Variants in FMO2 observed in about 807,000 individuals in gnomAD.
FMO2 encodes flavin containing dimethylaniline monoxygenase 2.
In FMO2, 33 loss-of-function variants were observed where a neutral mutation model predicts 41.6. The observed-to-expected ratio is 0.79, with a 90% CI of 0.60 to 1.06. The LOEUF (loss-of-function observed/expected upper bound fraction) is 1.06. Among genes scored for constraint, FMO2 ranks in the 50% least tolerant of loss-of-function variants. The pLI is 0.00. For missense variants in FMO2, 619 were observed against 632.9 expected, an observed-to-expected ratio of 0.98 and a Z score of 0.23; for synonymous variants, 214 against 219.6, an observed-to-expected ratio of 0.97 and a Z score of 0.23.
chr1:171,189,718 G>A (rs1021396998), intron 2 of FMO2, among the ~76,000 whole-genome samples: 5 of 144,332 alleles, frequency 3.5e-5, no homozygotes, highest in Non-Finnish European at 7.4e-5. Flanking sequence ...GAGGGCAGTA[G>A]CGCAATCTCA....
intron 5 of FMO2, among the ~76,000 whole-genome samples, chr1:171,202,075 G>T (rs1658562933): frequency 6.6e-6 from 1 of 152,146 alleles, no homozygotes; most frequent in South Asian, 2.1e-4. Context: ...GCGTCTCAGA[G>T]AAAGCAGCCT....
chr1:171,188,569 C>G (rs3768569), intron 2 of FMO2, among the ~76,000 whole-genome samples: 53,476 of 151,998 alleles, frequency 0.35, 10,361 homozygotes, highest in East Asian at 0.55. Flanking sequence ...GCCTGCACTA[C>G]GGCTATGTGA....
At chr1:171,203,561 C>T (rs1437012463) in intron 5 of FMO2, among the ~76,000 whole-genome samples, 1 of 152,066 alleles carries the variant, frequency 6.6e-6, no homozygotes, top group Non-Finnish European at 1.5e-5. Flanking sequence ...GGAACTTTCT[C>T]TTAAGGAGCA....
chr1:171,187,020 A>G (rs927126715), intron 2 of FMO2, among the ~76,000 whole-genome samples: 4 of 152,242 alleles, frequency 2.6e-5, no homozygotes, highest in African/African-American at 9.6e-5. Flanking sequence ...AGCTACTAAT[A>G]ATAACTATAT....
chr1:171,193,262 G>C, intron 2 of FMO2, 73 bp from the exon 3 acceptor site: 1 of 925,850 alleles, frequency 1.1e-6, no homozygotes, highest in Non-Finnish European at 1.7e-6. Flanking sequence ...CCAGGGGTTA[G>C]ATGTAGGAAG....
At chr1:171,190,244 C>A (rs1295186722) in intron 2 of FMO2, among the ~76,000 whole-genome samples, 1 of 152,130 alleles carries the variant, frequency 6.6e-6, no homozygotes, top group Non-Finnish European at 1.5e-5. Flanking sequence ...AACTTCAATT[C>A]AGCTCGTGAT....
At chr1:171,185,917 T>C (rs1032702988) in intron 2 of FMO2, 72 bp downstream of exon 2, 1 of 1,430,226 alleles carries the variant, frequency 7.0e-7, no homozygotes. Flanking sequence ...TACTGATGGG[T>C]CATATTGAGA....
rs1553240659 is a variant in FMO2 at position 171,211,241 on chromosome 1, CTCAT to C, written c.*2102_*2105del. On this transcript the variant is annotated 3_prime_UTR_variant, in exon 9 of 9. Coordinates refer to ENST00000209929, the MANE Select transcript of FMO2 (RefSeq NM_001460.5). Reference sequence around the variant, plus strand: ...AATTTTATAATAGTACACAGCCACACTCATTCATTTATTTTCTGTGGTTGCTTTC... The same window carrying C: ...AATTTTATAATAGTACACAGCCACACTCATTTATTTTCTGTGGTTGCTTTC... 1.3e-5 allele frequency: 2 copies of C among 152,166 alleles called. No homozygotes were observed. Among genetic ancestry groups the C allele is most frequent in the Non-Finnish European group, 2.9e-5 (2 of 68,024 alleles). The allele number at this position is 152,166 out of a possible 1,614,324, so 9.4% of individuals were successfully genotyped here.
At chr1:171,188,623 T>C (rs1250391492) in intron 2 of FMO2, among the ~76,000 whole-genome samples, 1 of 152,208 alleles carries the variant, frequency 6.6e-6, no homozygotes, top group African/African-American at 2.4e-5. Flanking sequence ...AGAAGGATGC[T>C]GGGAGCCCCA....
In FMO2 at chr1:171,212,084, T is replaced by A. The variant is rs1357993363; in HGVS notation, c.*2939T>A. Among the ~76,000 whole-genome samples the A allele has an allele frequency of 6.6e-6, 1 of 152,190 alleles. No homozygotes were observed. The highest frequency in any genetic ancestry group is 1.9e-4 in the East Asian group (1 of 5,200). On this transcript the variant is annotated 3_prime_UTR_variant, in exon 9 of 9. Transcript: ENST00000209929. Reference sequence around the variant, plus strand: ...TTTTGTTCTTCTCCTGTAAAGAATGTCAATGGTTATCACCTTCAATAGTTT... The same window carrying A: ...TTTTGTTCTTCTCCTGTAAAGAATGACAATGGTTATCACCTTCAATAGTTT...
chr1:171,186,584 C>T (rs143505741), intron 2 of FMO2, among the ~76,000 whole-genome samples: 1 of 152,250 alleles, frequency 6.6e-6, no homozygotes, highest in South Asian at 2.1e-4. Context: ...AGAACGCACT[C>T]ACTATCATGA....
At chr1:171,201,141 CAGAG>C in intron 5 of FMO2, among the ~76,000 whole-genome samples, 1 of 152,122 alleles carries the variant, frequency 6.6e-6, no homozygotes, top group Non-Finnish European at 1.5e-5. Context: ...ATCTTTTGCA[CAGAG>C]TGCAAAAGAC....
rs373458177 is a variant in FMO2, at chr1:171,205,275, T to C, written c.828-4T>C. 3.8e-6 allele frequency: 6 copies of C among 1,558,620 alleles called. No homozygotes were observed. The highest frequency in any genetic ancestry group is 4.4e-6 in the Non-Finnish European group (5 of 1,133,818). On this transcript the variant is annotated splice_region_variant and splice_polypyrimidine_tract_variant and intron_variant, in intron 6 of 8. Coordinates refer to ENST00000209929, the MANE Select transcript of FMO2 (RefSeq NM_001460.5). ...TCAGAATGTTTTTCTTCTGTATGTC[T>C]CAGATACATTATGAAGGAACCTGTA... is the stretch of plus-strand genomic sequence containing the variant.
At chr1:171,192,351 A>G (rs1426061069) in intron 2 of FMO2, among the ~76,000 whole-genome samples, 1 of 152,202 alleles carries the variant, frequency 6.6e-6, no homozygotes, top group Non-Finnish European at 1.5e-5. Context: ...ATGTATAGTT[A>G]ACAATAATAC....
rs777260599 is a variant in FMO2 at position 171,208,805 on chromosome 1, G to A, written c.1268G>A (p.Ser423Asn). The A allele has an allele frequency of 1.9e-5, 31 of 1,613,728 alleles. No homozygotes were observed. The highest frequency in any genetic ancestry group is 2.4e-5 in the Non-Finnish European group (28 of 1,179,838). The part of the protein sequence containing the change: ...NEKRIDLFGE[S>N]QSQTLQTNYV... ...CTTTCTTCACTAAGGTTTGGAGAAA[G>A]CCAGAGCCAGACGTTGCAGACCAAT... The change falls in exon 9 of 9, where the codon AGC (serine) becomes AAC (asparagine). Residue 423 changes from serine (S) to asparagine (N), a missense_variant. Ser to Asn is a conservative substitution (Grantham distance 46, BLOSUM62 1). Transcript: ENST00000209929.
intron 2 of FMO2, among the ~76,000 whole-genome samples, chr1:171,187,367 T>C (rs1478956584): frequency 6.6e-6 from 1 of 152,136 alleles, no homozygotes; most frequent in Admixed American, 6.5e-5. Flanking sequence ...GCAGGCTGAC[T>C]AGTTAGGAGG....
At chr1:171,205,690 A>G (rs1658735671) in intron 7 of FMO2, 56 bp downstream of exon 7, 6 of 1,210,900 alleles carry the variant, frequency 5.0e-6, no homozygotes, top group East Asian at 4.7e-5. Flanking sequence ...AAGTTTATCA[A>G]TAATGATAAG....
intron 3 of FMO2, among the ~76,000 whole-genome samples, chr1:171,195,284 T>A (rs886104102): frequency 1.3e-5 from 2 of 152,220 alleles, no homozygotes; most frequent in African/African-American, 4.8e-5. Context: ...GTCAATGTAA[T>A]CTACATCAGT....
chr1:171,203,029 A>G (rs1658596800), intron 5 of FMO2, among the ~76,000 whole-genome samples: 1 of 152,176 alleles, frequency 6.6e-6, no homozygotes, highest in Non-Finnish European at 1.5e-5. Context: ...GAATCACAGT[A>G]TAAGTTCAGA....
Sources: allele counts gnomAD v4.1 joint callset (sites outside exome capture counted in the v4.1 genomes callset), GRCh38; gene constraint gnomAD v4.1.1; transcripts MANE v1.5; gene names NCBI Gene and HGNC (gene_info 2026-07-23, HGNC 2026-07-21).